C8orf88: variants seen among roughly 807,000 people sequenced by gnomAD.
The protein encoded by C8orf88 is chromosome 8 open reading frame 88.
A neutral mutation model predicts 18.4 loss-of-function variants in C8orf88; 14 were observed. The observed-to-expected ratio is 0.76, with a 90% CI of 0.50 to 1.19. The LOEUF (loss-of-function observed/expected upper bound fraction) is 1.19. Ranked by LOEUF, C8orf88 falls within the 50% of genes most tolerant of loss-of-function variation. The probability of loss-of-function intolerance (pLI) is 0.00; values close to 1 mark genes in which losing one functional copy is unlikely to be tolerated. For missense variants in C8orf88, 116 were observed against 134.7 expected (o/e 0.86, Z 0.69); for synonymous variants, 45 against 42.9 (o/e 1.05, Z -0.19).
intron 4 of C8orf88, among the ~76,000 whole-genome samples, chr8:90,970,635 G>A (rs1308729430): frequency 2.0e-5 from 3 of 151,990 alleles, no homozygotes; most frequent in African/African-American, 7.2e-5. Context: ...CAACTTCCGG[G>A]TCATACTCTT....
chr8:90,969,086 T>A (rs915014562), intron 4 of C8orf88, among the ~76,000 whole-genome samples: 1 of 151,744 alleles, frequency 6.6e-6, no homozygotes, highest in African/African-American at 2.4e-5. Context: ...AACACACAAC[T>A]ACCAATGATC....
chr8:90,960,651 G>T, intron 5 of C8orf88, 91 bp downstream of exon 5: 1 of 637,740 alleles, frequency 1.6e-6, no homozygotes, highest in Non-Finnish European at 2.5e-6. Context: ...AATAAGGAAG[G>T]TTAAAAATCT....
intron 3 of C8orf88, among the ~76,000 whole-genome samples, chr8:90,972,883 T>C (rs1811302976): frequency 6.6e-6 from 1 of 152,110 alleles, no homozygotes; most frequent in Non-Finnish European, 1.5e-5. Context: ...AGTATCTTAC[T>C]CAAAAAAAAG....
At chr8:90,967,400 G>A (rs946059911) in intron 4 of C8orf88, among the ~76,000 whole-genome samples, 26 of 151,712 alleles carry the variant, frequency 1.7e-4, no homozygotes, top group Admixed American at 8.6e-4. Context: ...CTTTGCCTTT[G>A]GGTATCAGAA....
intron 4 of C8orf88, among the ~76,000 whole-genome samples, chr8:90,964,035 T>C (rs1453825512): frequency 2.0e-5 from 3 of 151,746 alleles, no homozygotes; most frequent in Admixed American, 6.6e-5. Context: ...TGTTTGACTT[T>C]ATGATGATGT....
intron 3 of C8orf88, among the ~76,000 whole-genome samples, chr8:90,977,465 A>G (rs1371638268): frequency 6.6e-6 from 1 of 152,222 alleles, no homozygotes; most frequent in Non-Finnish European, 1.5e-5. Context: ...AGCATTTATT[A>G]TAATATAGAA....
chr8:90,971,535 T>A (rs942346952), intron 3 of C8orf88, among the ~76,000 whole-genome samples: 1 of 152,064 alleles, frequency 6.6e-6, no homozygotes, highest in African/African-American at 2.4e-5. Context: ...TTTACTTTTT[T>A]AATTTCTGAA....
rs1586160872 is a variant in C8orf88, at chr8:90,966,359, G to T, written c.223+4707C>A. ...CACACTTTGGGGACTGTTGTGGGGT[G>T]GGGGGAGGGGGGAGGGATAGCATTG... On this transcript the variant is annotated intron_variant, in intron 4 of 5. Coordinates refer to ENST00000517562, the MANE Select transcript of C8orf88 (RefSeq NM_001190972.2). 3.5e-5 allele frequency among the ~76,000 whole-genome samples: 4 copies of T among 115,538 alleles called. No homozygotes were observed. The South Asian group carries it at 1.4e-3, about 41-fold the overall frequency. 75.8% of individuals were successfully genotyped at this position (115,538 alleles called of 152,430 possible). A position where few individuals can be genotyped will look rare whatever the true frequency, so the allele number is the denominator to read the frequency against.
chr8:90,968,611 C>T (rs1437760525), intron 4 of C8orf88, among the ~76,000 whole-genome samples: 1 of 132,398 alleles, frequency 7.6e-6, no homozygotes, highest in Non-Finnish European at 1.6e-5. Context: ...ATTAAGACAC[C>T]CTATCAAGAG....
In C8orf88 at chr8:90,981,199, C is replaced by T. The variant is rs146941162; in HGVS notation, c.-26-738G>A. Among the ~76,000 whole-genome samples, 268 of 152,252 alleles carry T rather than the reference C, an allele frequency of 1.8e-3. 1 individual carries two copies. Among genetic ancestry groups the T allele is most frequent in the African/African-American group, 6.1e-3 (255 of 41,534 alleles). ...TCTAAAATCTAATTAATAACTTTAA[C>T]TCCTGTATTCCTTTAAAGTCATCAC... On this transcript the variant is annotated intron_variant, in intron 1 of 5. Coordinates refer to ENST00000517562, the MANE Select transcript of C8orf88 (RefSeq NM_001190972.2).
chr8:90,969,805 A>AT (rs1318921442), intron 4 of C8orf88, among the ~76,000 whole-genome samples: 2 of 151,862 alleles, frequency 1.3e-5, no homozygotes, highest in African/African-American at 2.4e-5. Context: ...TTCCACTTCA[A>AT]TTTTTTAAAA....
At chr8:90,972,925 C>T (rs2130314836) in intron 3 of C8orf88, among the ~76,000 whole-genome samples, 1 of 152,224 alleles carries the variant, frequency 6.6e-6, no homozygotes, top group East Asian at 1.9e-4. Flanking sequence ...TTTTTCAATC[C>T]TCTTCTAATT....
intron 3 of C8orf88, among the ~76,000 whole-genome samples, chr8:90,973,620 C>T (rs1404441430): frequency 6.6e-6 from 1 of 152,114 alleles, no homozygotes; most frequent in East Asian, 1.9e-4. Context: ...GGAGCTAGGA[C>T]TGCAGGCATA....
chr8:90,967,284 T>C (rs1193847042), intron 4 of C8orf88, among the ~76,000 whole-genome samples: 2 of 151,900 alleles, frequency 1.3e-5, no homozygotes, highest in Admixed American at 6.6e-5. Context: ...ACATGGTATA[T>C]AATCTTTTTA....
chr8:90,973,461 G>T (rs774981509), intron 3 of C8orf88, among the ~76,000 whole-genome samples: 10 of 152,064 alleles, frequency 6.6e-5, no homozygotes, highest in Admixed American at 1.3e-4. Context: ...TCCCCAATAT[G>T]CATGCCCAGA....
intron 4 of C8orf88, among the ~76,000 whole-genome samples, chr8:90,965,011 A>G (rs1811174653): frequency 6.6e-6 from 1 of 151,578 alleles, no homozygotes; most frequent in African/African-American, 2.4e-5. Flanking sequence ...GGGAAGATTA[A>G]GTCCTTTTTT....
chr8:90,974,794 A>C (rs1444858361), intron 3 of C8orf88, among the ~76,000 whole-genome samples: 2 of 152,164 alleles, frequency 1.3e-5, no homozygotes, highest in Non-Finnish European at 2.9e-5. Context: ...AAAGAAAAAA[A>C]ACATTAGTAA....
At chr8:90,970,961 A>C in intron 4 of C8orf88, 105 bp downstream of exon 4, 1 of 606,012 alleles carries the variant, frequency 1.7e-6, no homozygotes, top group Non-Finnish European at 2.6e-6. Context: ...AAAAATATAT[A>C]ATAAAATTTC....
upstream of C8orf88, chr8:90,985,287 C>T (rs1258186398): frequency 9.0e-6 from 1 of 110,876 alleles, no homozygotes; most frequent in Admixed American, 8.2e-5. Flanking sequence ...GGGGGCGGGG[C>T]GGGAGGCGGC....
Sources: gnomAD v4.1 joint callset for allele counts (sites outside exome capture counted in the v4.1 genomes callset) on GRCh38, gnomAD v4.1.1 for gene constraint, MANE v1.5 for transcripts, NCBI Gene and HGNC (gene_info 2026-07-23, HGNC 2026-07-21) for gene names.